The following COL23A1 variants were observed in gnomAD, a reference collection of about 807,000 sequenced individuals.
COL23A1 encodes the protein collagen alpha-1(XXIII) chain.
In COL23A1, 97 loss-of-function variants were observed where a neutral mutation model predicts 99.3. The ratio of observed to expected loss-of-function variants is 0.98; its 90% CI spans 0.83 to 1.16. The LOEUF is 1.16. Among genes scored for constraint, COL23A1 ranks in the 50% most tolerant of loss-of-function variants. The pLI, the probability that COL23A1 is intolerant of heterozygous loss-of-function variation, is 0.00. For synonymous variants in COL23A1, 320 were observed against 308.2 expected, an observed-to-expected ratio of 1.04 and a Z score of -0.40; for missense variants, 762 against 757.4, an observed-to-expected ratio of 1.01 and a Z score of -0.07.
chr5:178,419,582 C>T (rs1326398405), intron 2 of COL23A1, among the ~76,000 whole-genome samples: 1 of 152,196 alleles, frequency 6.6e-6, no homozygotes, highest in Non-Finnish European at 1.5e-5. Flanking sequence ...CATCCCTATG[C>T]CTCCCCATGT....
At chr5:178,520,170 C>T (rs948685885) in intron 2 of COL23A1, among the ~76,000 whole-genome samples, 4 of 151,924 alleles carry the variant, frequency 2.6e-5, no homozygotes, top group Non-Finnish European at 4.4e-5. Context: ...GATGGTCAGA[C>T]GGGTGAATGC....
At chr5:178,390,169 C>G (rs921622574) in intron 2 of COL23A1, among the ~76,000 whole-genome samples, 1 of 152,208 alleles carries the variant, frequency 6.6e-6, no homozygotes, top group Admixed American at 6.5e-5. Context: ...ATTCTCACCC[C>G]AGTCCTTGCT....
chr5:178,539,417 G>A lies in COL23A1; in HGVS notation c.361+21265C>T, dbSNP rs532978129. On this transcript the variant is annotated intron_variant, in intron 2 of 28. Transcript: ENST00000390654. The stretch of plus-strand genomic sequence containing the variant: ...CAAAAATTAGCTGGGCATGGTGACA[G>A]TGCCTGTAATCCCAGCTACTTGAGA... 2.0e-5 allele frequency among the ~76,000 whole-genome samples: 3 copies of A among 152,026 alleles called. No individual in the cohort carries two copies. In the South Asian group the frequency reaches 6.2e-4, roughly 32 times the overall value.
At position 178,439,986 on chromosome 5, in the gene COL23A1, C is replaced by T. The variant is rs369465425; in HGVS notation, c.361+120696G>A. The T allele has an allele frequency of 2.6e-5, 4 of 152,146 alleles. No homozygotes were observed. Among genetic ancestry groups the T allele is most frequent in the Middle Eastern group, 3.2e-3 (1 of 316 alleles). The allele number at this position is 152,146 out of a possible 1,614,324, so 9.4% of individuals were successfully genotyped here. A position where few individuals can be genotyped will look rare whatever the true frequency, so the allele number is the denominator to read the frequency against. ...AGGACAAATCTGCAGAGACAGAAAA[C>T]AGATCAGTGGTTGCCTGGGGCTGGG... On this transcript the variant is annotated intron_variant, in intron 2 of 28. Transcript: ENST00000390654. This position sits in a 1 kb window ranked among gnomAD's most constrained non-coding sequence, Gnocchi z 4.2.
chr5:178,581,912 A>G (rs1763679530), intron 1 of COL23A1, among the ~76,000 whole-genome samples: 2 of 152,288 alleles, frequency 1.3e-5, no homozygotes, highest in South Asian at 4.1e-4. Flanking sequence ...AGGTAAGCAA[A>G]TATCTGTCTA....
At chr5:178,393,168 G>A (rs1392258877) in intron 2 of COL23A1, among the ~76,000 whole-genome samples, 1 of 152,218 alleles carries the variant, frequency 6.6e-6, no homozygotes, top group Non-Finnish European at 1.5e-5. Context: ...GCCCTGGCAG[G>A]GAGCATTAGC....
In COL23A1 at chr5:178,547,481, A is replaced by ACC. The variant is rs1562076389; in HGVS notation, c.361+13200_361+13201insGG. Among the ~76,000 whole-genome samples the ACC allele has an allele frequency of 8.7e-5, 11 of 126,822 alleles. 1 individual carries two copies. Among genetic ancestry groups the ACC allele is most frequent in the African/African-American group, 3.0e-4 (10 of 33,418 alleles). 83.2% of individuals were successfully genotyped at this position (126,822 alleles called of 152,430 possible). ...TGGGCACACACACCCACACACCCACACACACACCCACACATCCCCATACAC... is the reference window on the plus strand; with the variant it reads ...TGGGCACACACACCCACACACCCACACCCACACACCCACACATCCCCATACAC... On this transcript the variant is annotated intron_variant, in intron 2 of 28. Coordinates refer to ENST00000390654, the MANE Select transcript of COL23A1 (RefSeq NM_173465.4).
rs1257059086 is a variant in COL23A1, at chr5:178,365,186, T to C, written c.362-58267A>G. 6.8e-6 allele frequency among the ~76,000 whole-genome samples: 1 copy of C among 146,408 alleles called. No homozygotes were observed. Among genetic ancestry groups the C allele is most frequent in the African/African-American group, 2.5e-5 (1 of 40,406 alleles). On this transcript the variant is annotated intron_variant, in intron 2 of 28. Transcript: ENST00000390654. The surrounding 1 kb of genome is among the most constrained non-coding windows in gnomAD (Gnocchi z 5.2). ...GTGTGTGTGTGATAAATAAGCAAAA[T>C]TGTTTTCCTGGGACTCCATCCAGGA...
At chr5:178,389,234 CT>C (rs1763832866) in intron 2 of COL23A1, among the ~76,000 whole-genome samples, 1 of 152,174 alleles carries the variant, frequency 6.6e-6, no homozygotes, top group African/African-American at 2.4e-5. Flanking sequence ...AGCGGCTTTC[CT>C]TTTCCTCCAC....
At chr5:178,562,743 G>GCGGGGGGT (rs1554197592) in intron 1 of COL23A1, 2 of 143,282 alleles carry the variant, frequency 1.4e-5, no homozygotes, top group East Asian at 4.0e-4. Context: ...TGGTGGGGGG[G>GCGGGGGGT]GTGCGGGCTT....
intron 2 of COL23A1, among the ~76,000 whole-genome samples, chr5:178,346,414 T>C (rs1760975939): frequency 6.6e-6 from 1 of 152,098 alleles, no homozygotes; most frequent in Non-Finnish European, 1.5e-5. Flanking sequence ...TTTTGTATTT[T>C]TAGTACAGGT....
At chr5:178,509,022 C>T (rs1759042052) in intron 2 of COL23A1, among the ~76,000 whole-genome samples, 2 of 152,066 alleles carry the variant, frequency 1.3e-5, no homozygotes, top group Admixed American at 1.3e-4. Flanking sequence ...CAAAGTGAAA[C>T]AAAAATAACA....
intron 2 of COL23A1, among the ~76,000 whole-genome samples, chr5:178,409,226 C>T (rs930302492): frequency 6.6e-6 from 1 of 152,174 alleles, no homozygotes; most frequent in Non-Finnish European, 1.5e-5. Flanking sequence ...AAATACTACT[C>T]AGCAATAAAA....
intron 2 of COL23A1, among the ~76,000 whole-genome samples, chr5:178,316,860 A>AC (rs1759008752): frequency 6.6e-6 from 1 of 152,100 alleles, no homozygotes; most frequent in Admixed American, 6.5e-5. Flanking sequence ...CAAAAAAAAA[A>AC]AACGTTGCTT....
chr5:178,353,257 TA>T (rs11452320), intron 2 of COL23A1, among the ~76,000 whole-genome samples: 2 of 151,036 alleles, frequency 1.3e-5, no homozygotes, highest in Non-Finnish European at 1.5e-5. Flanking sequence ...ATAACAGTAG[TA>T]AAAAAAAAGC....
intron 5 of COL23A1, among the ~76,000 whole-genome samples, chr5:178,282,896 C>T (rs1343430551): frequency 1.3e-5 from 2 of 151,640 alleles, no homozygotes; most frequent in African/African-American, 4.9e-5. Context: ...GACATGGTCT[C>T]GCTCTGCTCT....
Position 178,468,362 on chromosome 5 carries a change from G to A in COL23A1, c.361+92320C>T, listed in dbSNP as rs949998577. On this transcript the variant is annotated intron_variant, in intron 2 of 28. Coordinates refer to ENST00000390654, the MANE Select transcript of COL23A1 (RefSeq NM_173465.4). This position sits in a 1 kb window ranked among gnomAD's most constrained non-coding sequence, Gnocchi z 4.2. The stretch of plus-strand genomic sequence containing the variant: ...GGTGCAAGACAGGGAGGGGATGGAA[G>A]CCAGCACGTGGGTCAAAGGGCGATG... 6.6e-6 allele frequency among the ~76,000 whole-genome samples: 1 copy of A among 152,214 alleles called. No homozygotes were observed. The highest frequency in any genetic ancestry group is 1.5e-5 in the Non-Finnish European group (1 of 68,040).
At chr5:178,336,240 T>C (rs1364533096) in intron 2 of COL23A1, among the ~76,000 whole-genome samples, 3 of 152,208 alleles carry the variant, frequency 2.0e-5, no homozygotes, top group Non-Finnish European at 4.4e-5. Flanking sequence ...GCTAGGTATA[T>C]ATCCCAAATA....
rs147788667 is a variant in COL23A1, at chr5:178,305,712, A to T, written c.406+1163T>A. Among the ~76,000 whole-genome samples the T allele has an allele frequency of 1.0e-3, 156 of 152,012 alleles. 2 individuals are homozygous for T. The South Asian group carries it at 0.022, about 21-fold the overall frequency. ...AAGAGTGAAGGCTCAGAAGGTGGAG[A>T]GCCCTGGACATCCATGGTGAGGCTG... is the stretch of plus-strand genomic sequence containing the variant. On this transcript the variant is annotated intron_variant, in intron 3 of 28. Coordinates refer to ENST00000390654, the MANE Select transcript of COL23A1 (RefSeq NM_173465.4).
Sources: allele counts gnomAD v4.1 joint callset (sites outside exome capture counted in the v4.1 genomes callset), GRCh38; gene constraint gnomAD v4.1.1; non-coding constraint Gnocchi (gnomAD v3.1); transcripts MANE v1.5; gene names NCBI Gene and HGNC (gene_info 2026-07-23, HGNC 2026-07-21).